PDE10A: variants seen among roughly 807,000 people sequenced by gnomAD.
The protein encoded by PDE10A is phosphodiesterase 10A, also known as cAMP and cAMP-inhibited cGMP 3',5'-cyclic phosphodiesterase 10A.
In PDE10A, 39 loss-of-function variants were observed where a neutral mutation model predicts 97.7. That is an observed-to-expected ratio of 0.40 (90% CI 0.31 to 0.52). PDE10A has a LOEUF of 0.52. Among genes scored for constraint, PDE10A ranks in the 20% least tolerant of loss-of-function variants. PDE10A has a pLI of 0.56. For missense variants in PDE10A, 731 were observed against 1,047.8 expected, an observed-to-expected ratio of 0.70 and a Z score of 4.17; for synonymous variants, 371 against 376.8, an observed-to-expected ratio of 0.98 and a Z score of 0.18.
chr6:165,371,931 A>T (rs78140045), intron 18 of PDE10A, among the ~76,000 whole-genome samples: 28,795 of 151,672 alleles, frequency 0.19, 2,832 homozygotes, highest in Admixed American at 0.21. Context: ...ATATATGCAA[A>T]TCCATAAATG....
At chr6:165,576,921 G>C (rs1225517719) in intron 1 of PDE10A, among the ~76,000 whole-genome samples, 3 of 152,194 alleles carry the variant, frequency 2.0e-5, no homozygotes, top group Non-Finnish European at 2.9e-5. Context: ...CATCAGTCAT[G>C]GTAATGCTCT....
intron 1 of PDE10A, among the ~76,000 whole-genome samples, chr6:165,597,221 A>G (rs994812067): frequency 6.6e-6 from 1 of 152,154 alleles, no homozygotes; most frequent in South Asian, 2.1e-4. Context: ...AGTTCTTGGC[A>G]CATAGTAGAC....
chr6:165,675,565 C>T (rs1790770904), intron 1 of PDE10A, among the ~76,000 whole-genome samples: 1 of 152,068 alleles, frequency 6.6e-6, no homozygotes, highest in South Asian at 2.1e-4. Flanking sequence ...GTGTGGAGGC[C>T]TCCAGAGAAA....
At chr6:165,734,975 TAGA>T in intron 1 of PDE10A, among the ~76,000 whole-genome samples, 1 of 151,704 alleles carries the variant, frequency 6.6e-6, no homozygotes, top group Non-Finnish European at 1.5e-5. Flanking sequence ...GATAGATAGA[TAGA>T]TAGATAGATA....
chr6:165,758,186 G>C (rs901433271), intron 1 of PDE10A, among the ~76,000 whole-genome samples: 1 of 152,204 alleles, frequency 6.6e-6, no homozygotes, highest in African/African-American at 2.4e-5. Flanking sequence ...AAAATACCAG[G>C]CTGGGTGCAG....
At chr6:165,756,641 C>A (rs961131775) in intron 1 of PDE10A, among the ~76,000 whole-genome samples, 7 of 152,154 alleles carry the variant, frequency 4.6e-5, no homozygotes, top group Admixed American at 2.0e-4. Context: ...TGTTGATGGA[C>A]AATCAGTCTT....
intron 1 of PDE10A, among the ~76,000 whole-genome samples, chr6:165,584,313 G>A (rs1229028848): frequency 1.3e-5 from 2 of 152,140 alleles, no homozygotes; most frequent in Non-Finnish European, 2.9e-5. Context: ...TTCCTTCCTT[G>A]TCCAGGCACC....
intron 1 of PDE10A, among the ~76,000 whole-genome samples, chr6:165,859,767 G>A (rs1328014385): frequency 2.0e-5 from 3 of 152,056 alleles, no homozygotes; most frequent in Non-Finnish European, 4.4e-5. Context: ...CATAGGTTTT[G>A]GGGGAAGCTA....
intron 18 of PDE10A, 64 bp downstream of exon 18, chr6:165,379,130 T>G: frequency 9.0e-7 from 1 of 1,111,128 alleles, no homozygotes; most frequent in South Asian, 1.5e-5. Flanking sequence ...ATTACATTTC[T>G]TAAGTATCAA....
chr6:165,791,052 C>T (rs1479291360), intron 1 of PDE10A, among the ~76,000 whole-genome samples: 1 of 152,058 alleles, frequency 6.6e-6, no homozygotes, highest in African/African-American at 2.4e-5. Context: ...TCAAGCAATC[C>T]TCCCGCCTCA....
rs187903950 is a variant in PDE10A at position 165,925,699 on chromosome 6, A to G, written c.-615+61830T>C. Among the ~76,000 whole-genome samples, 365 of 152,312 alleles carry G rather than the reference A, an allele frequency of 2.4e-3. 1 individual carries two copies. The highest frequency in any genetic ancestry group is 8.0e-3 in the African/African-American group (333 of 41,570). The stretch of plus-strand genomic sequence containing the variant: ...GAGAGGGAGAACTAAAAAACAGATT[A>G]GTGGTTGTCAGAGGATCATGATGGG... On this transcript the variant is annotated intron_variant, in intron 1 of 19. Coordinates refer to the PDE10A transcript ENST00000366882.
intron 1 of PDE10A, among the ~76,000 whole-genome samples, chr6:165,812,432 A>AG (rs886913189): frequency 4.3e-5 from 6 of 139,348 alleles, no homozygotes; most frequent in Admixed American, 4.2e-4. Flanking sequence ...ACTTGGAGGC[A>AG]GAAAAAAAAA....
intron 1 of PDE10A, among the ~76,000 whole-genome samples, chr6:165,795,414 C>T (rs572327628): frequency 1.5e-3 from 227 of 152,160 alleles, no homozygotes; most frequent in African/African-American, 4.9e-3. Context: ...TATAGCACAT[C>T]ACCTGTGACT....
At chr6:165,945,429 C>T (rs1250551818) in intron 1 of PDE10A, among the ~76,000 whole-genome samples, 5 of 152,170 alleles carry the variant, frequency 3.3e-5, no homozygotes, top group East Asian at 1.9e-4. Flanking sequence ...TAATTTGTTG[C>T]TACAGTCTTC....
At chr6:165,548,357 C>T (rs756762468) in intron 1 of PDE10A, among the ~76,000 whole-genome samples, 1 of 138,940 alleles carries the variant, frequency 7.2e-6, no homozygotes, top group South Asian at 2.3e-4. Context: ...TGCAGTAGCT[C>T]GGAATTTCAT....
intron 1 of PDE10A, among the ~76,000 whole-genome samples, chr6:165,964,000 G>T (rs1238475251): frequency 2.6e-5 from 4 of 152,224 alleles, no homozygotes; most frequent in Non-Finnish European, 5.9e-5. Flanking sequence ...TTCCTGGCAG[G>T]TGATACCCAT....
chr6:165,855,310 G>C (rs868196025), intron 1 of PDE10A, among the ~76,000 whole-genome samples: 5,586 of 149,540 alleles, frequency 0.037, 252 homozygotes, highest in Middle Eastern at 0.076. Context: ...AGTGGCGGGG[G>C]GGGGGGGGGA....
At chr6:165,778,667 T>C (rs574980965) in intron 1 of PDE10A, among the ~76,000 whole-genome samples, 1 of 152,344 alleles carries the variant, frequency 6.6e-6, no homozygotes, top group South Asian at 2.1e-4. Flanking sequence ...CAATTTACTT[T>C]GCCATCAATA....
Position 165,484,404 on chromosome 6 carries a change from T to A in PDE10A, c.995-2061A>T, listed in dbSNP as rs185605660. 1.5e-3 allele frequency among the ~76,000 whole-genome samples: 228 copies of A among 152,362 alleles called. 1 individual carries two copies. Among genetic ancestry groups the A allele is most frequent in the African/African-American group, 5.1e-3 (214 of 41,584 alleles). On this transcript the variant is annotated intron_variant, in intron 2 of 21. Coordinates refer to ENST00000539869, the MANE Select transcript of PDE10A (RefSeq NM_001385079.1). ...TCACAACTGCTCTCTGTCACTGCGT[T>A]ACTGCCTGAGCTCCGCCTCCTGTCA...
Sources: allele counts gnomAD v4.1 joint callset (sites outside exome capture counted in the v4.1 genomes callset), GRCh38; gene constraint gnomAD v4.1.1; transcripts MANE v1.5; gene names NCBI Gene and HGNC (gene_info 2026-07-23, HGNC 2026-07-21).